Variants in EYS observed in about 807,000 individuals in gnomAD.
EYS encodes the protein EGF-like photoreceptor maintenance factor.
EYS carries 250 observed loss-of-function variants against 282.1 expected under a neutral mutation model. That is an observed-to-expected ratio of 0.89 (90% CI 0.80 to 0.98). The LOEUF (loss-of-function observed/expected upper bound fraction) is 0.98. Among genes scored for constraint, EYS ranks in the 50% least tolerant of loss-of-function variants. EYS has a pLI of 0.00. For missense variants in EYS, 4,016 were observed against 3,709.0 expected (o/e 1.08, Z -2.15); for synonymous variants, 1,355 against 1,282.9 (o/e 1.06, Z -1.20).
chr6:64,863,779 T>C (rs1384504655), intron 19 of EYS, among the ~76,000 whole-genome samples: 1 of 152,194 alleles, frequency 6.6e-6, no homozygotes, highest in Non-Finnish European at 1.5e-5. Context: ...AAAACCCTTA[T>C]AGAATGTTGT....
At chr6:64,692,976 G>GTTTTTTTTTT (rs1583048324) in intron 22 of EYS, among the ~76,000 whole-genome samples, 28 of 2,988 alleles carry the variant, frequency 9.4e-3, no homozygotes, top group Non-Finnish European at 0.021. Flanking sequence ...GGCTGCTTGG[G>GTTTTTTTTTT]CTTTTTTTTT....
intron 22 of EYS, among the ~76,000 whole-genome samples, chr6:64,666,343 T>C (rs997602084): frequency 4.6e-5 from 7 of 152,190 alleles, no homozygotes; most frequent in Non-Finnish European, 1.0e-4. Context: ...CCTCTAATGT[T>C]TAAATTGCTC....
chr6:65,180,441 G>T (rs1179741290), intron 12 of EYS, among the ~76,000 whole-genome samples: 4 of 151,998 alleles, frequency 2.6e-5, no homozygotes, highest in Non-Finnish European at 5.9e-5. Context: ...AATCATGAGT[G>T]AACTCCCATT....
intron 7 of EYS, among the ~76,000 whole-genome samples, chr6:65,388,333 G>A (rs1394635559): frequency 6.6e-6 from 1 of 152,000 alleles, no homozygotes; most frequent in Non-Finnish European, 1.5e-5. Flanking sequence ...GGAAGGGAGA[G>A]AAAATTATAA....
intron 34 of EYS, among the ~76,000 whole-genome samples, chr6:63,994,586 A>C (rs1405424908): frequency 1.3e-5 from 2 of 151,962 alleles, no homozygotes; most frequent in East Asian, 1.9e-4. Flanking sequence ...CAAAAGAATG[A>C]AGACAAATTC....
chr6:63,824,111 C>A (rs1394609345), intron 36 of EYS, among the ~76,000 whole-genome samples: 1 of 152,236 alleles, frequency 6.6e-6, no homozygotes, highest in Non-Finnish European at 1.5e-5. Context: ...AATCTCGTCT[C>A]TCTTTCATTT....
At chr6:63,734,161 A>T (rs1283276369) in intron 41 of EYS, among the ~76,000 whole-genome samples, 1 of 152,158 alleles carries the variant, frequency 6.6e-6, no homozygotes, top group African/African-American at 2.4e-5. Flanking sequence ...GAAAAACTAT[A>T]TTGAGTACTA....
intron 22 of EYS, among the ~76,000 whole-genome samples, chr6:64,799,554 C>T (rs1046647789): frequency 1.3e-5 from 2 of 151,380 alleles, no homozygotes; most frequent in South Asian, 2.1e-4. Flanking sequence ...AACAAATATT[C>T]ATTAAGTAAA....
chr6:64,325,250 C>T (rs1001837795), intron 29 of EYS, among the ~76,000 whole-genome samples: 1 of 152,136 alleles, frequency 6.6e-6, no homozygotes, highest in Non-Finnish European at 1.5e-5. Flanking sequence ...TATCACAGGA[C>T]TCTGTGCAGA....
At chr6:64,917,429 G>C (rs1331121200) in intron 15 of EYS, among the ~76,000 whole-genome samples, 1 of 151,852 alleles carries the variant, frequency 6.6e-6, no homozygotes, top group Non-Finnish European at 1.5e-5. Flanking sequence ...AGGCTTTTTT[G>C]GCTCTAAATT....
intron 2 of EYS, among the ~76,000 whole-genome samples, chr6:65,569,081 T>C (rs972377695): frequency 6.6e-6 from 1 of 152,164 alleles, no homozygotes; most frequent in African/African-American, 2.4e-5. Context: ...TACATCCAGA[T>C]GGCCTGAAGT....
chr6:63,782,401 G>A (rs1482977018), intron 39 of EYS, among the ~76,000 whole-genome samples: 1 of 152,110 alleles, frequency 6.6e-6, no homozygotes, highest in Non-Finnish European at 1.5e-5. Flanking sequence ...GGGTTGGTAG[G>A]CTATTAATTA....
intron 26 of EYS, among the ~76,000 whole-genome samples, chr6:64,556,017 G>A (rs561086314): frequency 1.3e-5 from 2 of 152,132 alleles, no homozygotes; most frequent in South Asian, 4.1e-4. Context: ...AGAGAAGCCA[G>A]AACTCTCACA....
Position 64,224,438 on chromosome 6 carries a change from G to C in EYS, c.6424+6154C>G, listed in dbSNP as rs1297714128. 2.0e-5 allele frequency among the ~76,000 whole-genome samples: 3 copies of C among 151,938 alleles called. No individual in the cohort carries two copies. In the East Asian group the frequency reaches 5.8e-4, roughly 29 times the overall value. ...GTTTTATATTTTAATCTGTCATTTA[G>C]GGTTCTCTGCCATATGAATCACACC... is the stretch of plus-strand genomic sequence containing the variant. On this transcript the variant is annotated intron_variant, in intron 31 of 42. Transcript: ENST00000503581.
At chr6:65,243,990 A>G (rs1453430032) in intron 12 of EYS, among the ~76,000 whole-genome samples, 1 of 152,196 alleles carries the variant, frequency 6.6e-6, no homozygotes. Context: ...AATAAAGATA[A>G]GTTCACTCTT....
chr6:65,392,629 C>T (rs1464128078), intron 7 of EYS, among the ~76,000 whole-genome samples: 6 of 152,154 alleles, frequency 3.9e-5, no homozygotes, highest in Non-Finnish European at 8.8e-5. Flanking sequence ...GAGATACCAT[C>T]TCACACCAGT....
chr6:64,822,571 C>T (rs1181725200), intron 20 of EYS, 80 bp downstream of exon 20: 3 of 1,164,442 alleles, frequency 2.6e-6, no homozygotes, highest in African/African-American at 3.2e-5. Flanking sequence ...TTATCTTTAT[C>T]AACTTTCCCT....
chr6:64,686,464 G>T lies in EYS; in HGVS notation c.3444-60219C>A, dbSNP rs1770102992. 1.3e-5 allele frequency among the ~76,000 whole-genome samples: 2 copies of T among 151,588 alleles called. 1 individual carries two copies. Among genetic ancestry groups the T allele is most frequent in the South Asian group, 4.1e-4 (2 of 4,826 alleles). On this transcript the variant is annotated intron_variant, in intron 22 of 42. Coordinates refer to ENST00000503581, the MANE Select transcript of EYS (RefSeq NM_001142800.2). ...AATATTAAAATGATTATAATAGGGTGAGCGCGGTGGCTCACGCGTGTTATC... is the reference window on the plus strand; with the variant it reads ...AATATTAAAATGATTATAATAGGGTTAGCGCGGTGGCTCACGCGTGTTATC...
chr6:63,853,304 T>A (rs1400979199), intron 36 of EYS, among the ~76,000 whole-genome samples: 1 of 152,072 alleles, frequency 6.6e-6, no homozygotes, highest in Admixed American at 6.6e-5. Context: ...ACAAAATCAA[T>A]ATGCAAAAAT....
Sources: gnomAD v4.1 joint callset for allele counts (sites outside exome capture counted in the v4.1 genomes callset) on GRCh38, gnomAD v4.1.1 for gene constraint, MANE v1.5 for transcripts, NCBI Gene and HGNC (gene_info 2026-07-23, HGNC 2026-07-21) for gene names.